TMEM169: variants seen among roughly 807,000 people sequenced by gnomAD.
The protein encoded by TMEM169 is transmembrane protein 169.
In TMEM169, 18 loss-of-function variants were observed where a neutral mutation model predicts 27.3. The ratio of observed to expected loss-of-function variants is 0.66; its 90% CI spans 0.46 to 0.98. TMEM169 has a LOEUF of 0.98. Ranked by LOEUF, TMEM169 falls within the 50% of genes least tolerant of loss-of-function variation. The pLI is 0.00. For missense variants in TMEM169, 320 were observed against 368.6 expected (o/e 0.87, Z 1.08); for synonymous variants, 136 against 142.1 (o/e 0.96, Z 0.30).
rs1559230880 is a variant in TMEM169 at position 216,100,916 on chromosome 2, C to G, written c.*374C>G. 1.7e-5 allele frequency: 5 copies of G among 302,254 alleles called. No homozygotes were observed. The highest frequency in any genetic ancestry group is 6.3e-6 in the Non-Finnish European group (1 of 158,452). 18.7% of individuals were successfully genotyped at this position (302,254 alleles called of 1,614,324 possible). A position where few individuals can be genotyped will look rare whatever the true frequency, so the allele number is the denominator to read the frequency against. On this transcript the variant is annotated 3_prime_UTR_variant, in exon 3 of 3. Transcript: ENST00000437356. ...AGAACCTCGGGGTAACCAAATCCACCAAGATAATAGACAGGGATGGAGTGA... is the reference window on the plus strand; with the variant it reads ...AGAACCTCGGGGTAACCAAATCCACGAAGATAATAGACAGGGATGGAGTGA...
rs556273487 is a variant in TMEM169 at position 216,098,005 on chromosome 2, T to C, written c.271+1771T>C. On this transcript the variant is annotated intron_variant, in intron 2 of 2. Transcript: ENST00000437356. ...GGTGAGAGCAGCTTTGGCCCATTTATGGAAAGGAGTTATTTCAGTGTAGGG... is the reference window on the plus strand; with the variant it reads ...GGTGAGAGCAGCTTTGGCCCATTTACGGAAAGGAGTTATTTCAGTGTAGGG... Among the ~76,000 whole-genome samples the C allele has an allele frequency of 3.9e-5, 6 of 152,102 alleles. No homozygotes were observed. In the South Asian group the frequency reaches 1.2e-3, roughly 32 times the overall value.
rs772564317 is a variant in TMEM169, at chr2:216,096,056, G to C, written c.93G>C (p.Leu31=). The C allele has an allele frequency of 5.0e-6, 8 of 1,614,218 alleles. No individual in the cohort carries two copies. The highest frequency in any genetic ancestry group is 6.8e-6 in the Non-Finnish European group (8 of 1,180,048). The change falls in exon 2 of 3, where the codon CTG becomes CTC. Residue 31 remains leucine, a synonymous_variant. Transcript: ENST00000437356. The part of the protein sequence containing the change: ...LRKAVAAALA[L]DGESTMGHRK... The stretch of plus-strand genomic sequence containing the variant: ...AGGCTGTGGCTGCTGCCCTGGCGCT[G>C]GATGGGGAATCCACAATGGGGCACA...
In TMEM169 at chr2:216,099,680, C is replaced by T. The variant is rs762248124; in HGVS notation, c.272-240C>T. ...GAGAGTAGGTGAAAAGCTTAACCTG[C>T]CTCACAATTTTATCAGGGCCCAGGC... On this transcript the variant is annotated intron_variant, in intron 2 of 2. Coordinates refer to ENST00000437356, the MANE Select transcript of TMEM169 (RefSeq NM_001142311.2). The surrounding 1 kb of genome is among the most constrained non-coding windows in gnomAD (Gnocchi z 5.0). Among the ~76,000 whole-genome samples, 6 of 152,052 alleles carry T rather than the reference C, an allele frequency of 3.9e-5. No individual in the cohort carries two copies. The highest frequency in any genetic ancestry group is 7.4e-5 in the Non-Finnish European group (5 of 67,984).
In TMEM169 at chr2:216,100,235, A is replaced by G; in HGVS notation, c.587A>G (p.Glu196Gly). ...TACAACATCTTCCTCGTGTATAATG[A>G]GGAAAGGACCTTCTGGCACAAGATC... ...TWYNIFLVYNEERTFWHKISY... is the reference protein window; with the variant it reads ...TWYNIFLVYNGERTFWHKISY... Residue 196 changes from glutamate to glycine, a missense_variant, in exon 3 of 3, where the codon GAG becomes GGG. Coordinates refer to ENST00000437356, the MANE Select transcript of TMEM169 (RefSeq NM_001142311.2). 3.1e-6 allele frequency: 5 copies of G among 1,613,172 alleles called. No homozygotes were observed. In the South Asian group the frequency reaches 5.5e-5, roughly 18 times the overall value.
In TMEM169 at chr2:216,101,404, T is replaced by C. The variant is rs1362675971; in HGVS notation, c.*862T>C. On this transcript the variant is annotated 3_prime_UTR_variant, in exon 3 of 3. Transcript: ENST00000437356. ...ATGTAGTTGTTTGGCTGGGTAGCTA[T>C]ATTCTCAGCTAAATACTGGGTTCAC... The C allele has an allele frequency of 1.3e-5, 2 of 152,266 alleles. No individual in the cohort carries two copies. Among genetic ancestry groups the C allele is most frequent in the African/African-American group, 2.4e-5 (1 of 41,466 alleles). The allele number at this position is 152,266 out of a possible 1,614,324, so 9.4% of individuals were successfully genotyped here.
intron 1 of TMEM169, among the ~76,000 whole-genome samples, chr2:216,090,013 G>A (rs80029825): frequency 0.027 from 4,061 of 152,234 alleles, 209 homozygotes; most frequent in African/African-American, 0.092. Context: ...AGTGACTTGC[G>A]CGTGTGCGTG....
Position 216,099,068 on chromosome 2 carries a change from GTATGTGTGTGTGTGGTGTGT to G in TMEM169, c.272-842_272-823del, listed in dbSNP as rs1406285957. Among the ~76,000 whole-genome samples the G allele has an allele frequency of 1.3e-5, 2 of 150,594 alleles. No homozygotes were observed. Among genetic ancestry groups the G allele is most frequent in the African/African-American group, 2.4e-5 (1 of 40,910 alleles). On this transcript the variant is annotated intron_variant, in intron 2 of 2. Transcript: ENST00000437356. This position sits in a 1 kb window ranked among gnomAD's most constrained non-coding sequence, Gnocchi z 5.0. ...TGTGTATGTGTGGTGTGTGTGATGTGTATGTGTGTGTGTGGTGTGTTATGTGTGTATGTTGCATGTATGTG... is the reference window on the plus strand; with the variant it reads ...TGTGTATGTGTGGTGTGTGTGATGTGTATGTGTGTATGTTGCATGTATGTG...
intron 1 of TMEM169, among the ~76,000 whole-genome samples, chr2:216,093,786 GA>G (rs1696195101): frequency 8.2e-6 from 1 of 122,642 alleles, no homozygotes; most frequent in African/African-American, 3.2e-5. Context: ...CTAAATTTTA[GA>G]AACATTGAAA....
chr2:216,083,703 G>A (rs925403817), intron 1 of TMEM169, among the ~76,000 whole-genome samples: 1 of 152,180 alleles, frequency 6.6e-6, no homozygotes, highest in African/African-American at 2.4e-5. Flanking sequence ...CAGCTGCAAG[G>A]AAGTTGCAGG....
intron 1 of TMEM169, among the ~76,000 whole-genome samples, chr2:216,084,746 C>T (rs182917191): frequency 1.6e-4 from 24 of 152,096 alleles, no homozygotes; most frequent in Admixed American, 1.1e-3. Flanking sequence ...CAGGAAGAGG[C>T]GGGGTGGAGC....
At position 216,100,296 on chromosome 2, in the gene TMEM169, G is replaced by A. The variant is rs1273996806; in HGVS notation, c.648G>A (p.Val216=). Reference sequence around the variant, plus strand: ...CTTGCCTCGTTCTCTTCTATCCAGTGCTCATCATGGCCATGGCTTCTTCCC... The same window carrying A: ...CTTGCCTCGTTCTCTTCTATCCAGTACTCATCATGGCCATGGCTTCTTCCC... ...YCPCLVLFYP[V]LIMAMASSLG... The change falls in exon 3 of 3, where the codon GTG becomes GTA. Residue 216 remains valine, a synonymous_variant. Transcript: ENST00000437356. The A allele has an allele frequency of 6.2e-7, 1 of 1,613,786 alleles. No homozygotes were observed. Among genetic ancestry groups the A allele is most frequent in the South Asian group, 1.1e-5 (1 of 91,066 alleles).
rs577372900 is a variant in TMEM169, at chr2:216,100,816, G to A, written c.*274G>A. 34 of 461,270 alleles carry A rather than the reference G, an allele frequency of 7.4e-5. No homozygotes were observed. Among genetic ancestry groups the A allele is most frequent in the African/African-American group, 4.2e-4 (21 of 50,490 alleles). 28.6% of individuals were successfully genotyped at this position (461,270 alleles called of 1,614,324 possible). On this transcript the variant is annotated 3_prime_UTR_variant, in exon 3 of 3. Coordinates refer to ENST00000437356, the MANE Select transcript of TMEM169 (RefSeq NM_001142311.2). ...GGACAATGGAACTCTGCTGTGTGTC[G>A]TTTTGGGAGCCTGGAAGTGTTACTG...
At chr2:216,093,744 G>C (rs868442748) in intron 1 of TMEM169, among the ~76,000 whole-genome samples, 5 of 152,046 alleles carry the variant, frequency 3.3e-5, no homozygotes, top group Admixed American at 1.3e-4. Context: ...TGGAGGGGGA[G>C]AAAAAGCCAT....
At chr2:216,090,800 C>T (rs948983988) in intron 1 of TMEM169, among the ~76,000 whole-genome samples, 1 of 152,204 alleles carries the variant, frequency 6.6e-6, no homozygotes, top group African/African-American at 2.4e-5. Flanking sequence ...TAATTTGTTA[C>T]ATCACAACAG....
chr2:216,092,838 G>C (rs1696166121), intron 1 of TMEM169, among the ~76,000 whole-genome samples: 1 of 152,152 alleles, frequency 6.6e-6, no homozygotes, highest in Admixed American at 6.5e-5. Flanking sequence ...GGAAAACACG[G>C]TGGATTAGGG....
chr2:216,095,824 T>G lies in TMEM169; in HGVS notation c.-126-14T>G. 1 of 1,031,344 alleles carries G rather than the reference T, an allele frequency of 9.7e-7. No individual in the cohort carries two copies. Among genetic ancestry groups the G allele is most frequent in the Non-Finnish European group, 1.4e-6 (1 of 727,276 alleles). 63.9% of individuals were successfully genotyped at this position (1,031,344 alleles called of 1,614,324 possible). A position where few individuals can be genotyped will look rare whatever the true frequency, so the allele number is the denominator to read the frequency against. The stretch of plus-strand genomic sequence containing the variant: ...TTTGCTTCCTGTTGATGGCTTTGCT[T>G]TCCTATCTTTCAGGTGGAATGCATC... On this transcript the variant is annotated splice_polypyrimidine_tract_variant and intron_variant, in intron 1 of 2. Coordinates refer to ENST00000437356, the MANE Select transcript of TMEM169 (RefSeq NM_001142311.2).
In TMEM169 at chr2:216,101,670, G is replaced by C. The variant is rs1179217634; in HGVS notation, c.*1128G>C. 1 of 151,940 alleles carries C rather than the reference G, an allele frequency of 6.6e-6. No individual in the cohort carries two copies. The highest frequency in any genetic ancestry group is 1.9e-4 in the East Asian group (1 of 5,174). The allele number at this position is 151,940 out of a possible 1,614,324, so 9.4% of individuals were successfully genotyped here. On this transcript the variant is annotated 3_prime_UTR_variant, in exon 3 of 3. Transcript: ENST00000437356. ...ATTTTTGTATTTTTTTTTTAGTAGA[G>C]ATGGGGTTTCACCATGTGCCCAGGC...
At chr2:216,091,962 A>C (rs1696140571) in intron 1 of TMEM169, among the ~76,000 whole-genome samples, 1 of 152,202 alleles carries the variant, frequency 6.6e-6, no homozygotes, top group Non-Finnish European at 1.5e-5. Flanking sequence ...AGGTAAATCA[A>C]GGACAGTGTC....
intron 1 of TMEM169, among the ~76,000 whole-genome samples, chr2:216,083,429 C>G (rs1239502563): frequency 6.6e-6 from 1 of 152,038 alleles, no homozygotes; most frequent in Non-Finnish European, 1.5e-5. Flanking sequence ...GAAGTCCAGA[C>G]TTTCTTTCTT....
Sources: allele counts gnomAD v4.1 joint callset (sites outside exome capture counted in the v4.1 genomes callset), GRCh38; gene constraint gnomAD v4.1.1; non-coding constraint Gnocchi (gnomAD v3.1); transcripts MANE v1.5; gene names NCBI Gene and HGNC (gene_info 2026-07-23, HGNC 2026-07-21).